Variants in THEMIS observed in about 807,000 individuals in gnomAD.
THEMIS encodes protein THEMIS.
A neutral mutation model predicts 52.6 loss-of-function variants in THEMIS; 37 were observed. The ratio of observed to expected loss-of-function variants is 0.70; its 90% CI spans 0.54 to 0.93. The LOEUF is 0.93. Ranked by LOEUF, THEMIS falls within the 40% of genes least tolerant of loss-of-function variation. The pLI is 0.00. For synonymous variants in THEMIS, 292 were observed against 272.7 expected, an observed-to-expected ratio of 1.07 and a Z score of -0.70; for missense variants, 808 against 763.1, an observed-to-expected ratio of 1.06 and a Z score of -0.69.
intron 4 of THEMIS, among the ~76,000 whole-genome samples, chr6:127,741,475 T>C (rs1030770809): frequency 2.0e-5 from 3 of 152,046 alleles, no homozygotes; most frequent in South Asian, 2.1e-4. Flanking sequence ...AAAATAAAGA[T>C]GCAAAAATAA....
At chr6:127,749,098 T>C (rs1334638883) in intron 4 of THEMIS, among the ~76,000 whole-genome samples, 2 of 152,100 alleles carry the variant, frequency 1.3e-5, no homozygotes, top group African/African-American at 2.4e-5. Flanking sequence ...GCCAGAATAT[T>C]GCCTTTGGCA....
At chr6:127,864,778 T>G (rs1779920470) in intron 1 of THEMIS, among the ~76,000 whole-genome samples, 1 of 152,184 alleles carries the variant, frequency 6.6e-6, no homozygotes, top group East Asian at 1.9e-4. Context: ...TTTATCCATA[T>G]GTATCAAAGG....
Position 127,899,152 on chromosome 6 carries a change from G to T in THEMIS, c.91+1690C>A, listed in dbSNP as rs986728061. On this transcript the variant is annotated intron_variant, in intron 1 of 5. Transcript: ENST00000368248. The stretch of plus-strand genomic sequence containing the variant: ...TTCCTAACATGAAGAAATGGTAAAA[G>T]TTTGAGGCAATGAATAATATCCCCA... Among the ~76,000 whole-genome samples the T allele has an allele frequency of 2.0e-5, 3 of 151,762 alleles. No homozygotes were observed. The South Asian group carries it at 6.2e-4, about 31-fold the overall frequency.
intron 4 of THEMIS, among the ~76,000 whole-genome samples, chr6:127,749,582 C>G (rs936197667): frequency 2.6e-5 from 4 of 151,854 alleles, no homozygotes; most frequent in Non-Finnish European, 5.9e-5. Context: ...AGTAAACTTA[C>G]AGGTAAGTCT....
upstream of THEMIS, among the ~76,000 whole-genome samples, chr6:127,905,884 A>G (rs1237490743): frequency 6.6e-6 from 1 of 151,664 alleles, no homozygotes; most frequent in Admixed American, 6.6e-5. Context: ...AAGAACCTCA[A>G]AATTGCTAGC....
At chr6:127,902,415 A>C (rs562216943), upstream of THEMIS, among the ~76,000 whole-genome samples, 46 of 152,090 alleles carry the variant, frequency 3.0e-4, no homozygotes, top group African/African-American at 1.1e-3. Flanking sequence ...TTAGTAACCA[A>C]ACCCAGGCAC....
At chr6:127,909,873 G>A (rs528933963) in intron 1 of THEMIS, 67 of 152,182 alleles carry the variant, frequency 4.4e-4, no homozygotes, top group African/African-American at 1.6e-3. Flanking sequence ...CATGGTTGAG[G>A]ACATTTTGTT....
At chr6:127,747,444 T>C (rs1304044798) in intron 4 of THEMIS, among the ~76,000 whole-genome samples, 1 of 148,590 alleles carries the variant, frequency 6.7e-6, no homozygotes, top group Non-Finnish European at 1.5e-5. Flanking sequence ...ATTTACAACA[T>C]ATCTATAAAA....
chr6:127,733,439 G>T (rs1020949577), intron 4 of THEMIS, among the ~76,000 whole-genome samples: 15 of 152,156 alleles, frequency 9.9e-5, no homozygotes, highest in Admixed American at 4.6e-4. Flanking sequence ...ACTTAACCAG[G>T]TTCATTGAAT....
At chr6:127,876,674 A>T (rs1780322445) in intron 1 of THEMIS, among the ~76,000 whole-genome samples, 1 of 152,222 alleles carries the variant, frequency 6.6e-6, no homozygotes, top group Admixed American at 6.5e-5. Context: ...AAGTCAGGAG[A>T]CAACATAAAT....
chr6:127,788,157 G>A (rs1489060497), intron 4 of THEMIS, among the ~76,000 whole-genome samples: 3 of 152,154 alleles, frequency 2.0e-5, no homozygotes, highest in Non-Finnish European at 4.4e-5. Flanking sequence ...GTTAGCAAAT[G>A]TTTACAGGGG....
chr6:127,875,203 G>A (rs537314536), intron 1 of THEMIS, among the ~76,000 whole-genome samples: 1 of 152,194 alleles, frequency 6.6e-6, no homozygotes, highest in Non-Finnish European at 1.5e-5. Context: ...AGATACATGG[G>A]ATCTCTTTGT....
At chr6:127,715,844 T>C (rs1774140343) in intron 5 of THEMIS, among the ~76,000 whole-genome samples, 1 of 151,860 alleles carries the variant, frequency 6.6e-6, no homozygotes. Flanking sequence ...ATCACAGGCT[T>C]TCAGAACTGA....
At chr6:127,698,071 A>T in the THEMIS span, among the ~76,000 whole-genome samples, 2 of 152,126 alleles carry the variant, frequency 1.3e-5, no homozygotes, top group African/African-American at 2.4e-5. Flanking sequence ...GTAATTACAT[A>T]GATTTTGTGA....
intron 3 of THEMIS, among the ~76,000 whole-genome samples, chr6:127,818,942 AC>A (rs1778229087): frequency 6.6e-6 from 1 of 151,852 alleles, no homozygotes; most frequent in African/African-American, 2.4e-5. Flanking sequence ...ACATGGTGAA[AC>A]CCCATCTCTA....
chr6:127,776,160 C>T (rs1222292818), intron 4 of THEMIS, among the ~76,000 whole-genome samples: 1 of 152,100 alleles, frequency 6.6e-6, no homozygotes, highest in Non-Finnish European at 1.5e-5. Context: ...TTTGTCTATG[C>T]TTCTAAATTT....
intron 4 of THEMIS, among the ~76,000 whole-genome samples, chr6:127,780,342 T>C (rs1003718333): frequency 1.3e-5 from 2 of 152,244 alleles, no homozygotes; most frequent in African/African-American, 4.8e-5. Flanking sequence ...GGGTCTTTAC[T>C]CTACCCAATT....
chr6:127,906,259 A>G (rs1781266541), intron 1 of THEMIS, among the ~76,000 whole-genome samples: 1 of 151,732 alleles, frequency 6.6e-6, no homozygotes, highest in African/African-American at 2.4e-5. Context: ...AAAGACAAGA[A>G]GGATTATAAA....
intron 4 of THEMIS, among the ~76,000 whole-genome samples, chr6:127,729,141 TC>T (rs1774658594): frequency 2.3e-3 from 2 of 882 alleles, no homozygotes; most frequent in East Asian, 0.012. Context: ...ACCAATTTAT[TC>T]TCTCTCTCTC....
Sources: gnomAD v4.1 joint callset for allele counts (sites outside exome capture counted in the v4.1 genomes callset) on GRCh38, gnomAD v4.1.1 for gene constraint, MANE v1.5 for transcripts, NCBI Gene and HGNC (gene_info 2026-07-23, HGNC 2026-07-21) for gene names.